The following GLB1L3 variants were observed in gnomAD, a reference collection of about 807,000 sequenced individuals.
GLB1L3 encodes galactosidase beta 1 like 3.
Under a neutral mutation model 89.5 loss-of-function variants are expected in GLB1L3, and 89 were observed. The observed-to-expected ratio is 0.99, with a 90% CI of 0.84 to 1.19. GLB1L3 has a LOEUF of 1.19. Ranked by LOEUF, GLB1L3 falls within the 50% of genes most tolerant of loss-of-function variation. GLB1L3 has a pLI of 0.00. For synonymous variants in GLB1L3, 314 were observed against 312.3 expected (o/e 1.01, Z -0.06); for missense variants, 812 against 813.3 (o/e 1.00, Z 0.02).
intron 7 of GLB1L3, among the ~76,000 whole-genome samples, chr11:134,291,032 C>A (rs547685498): frequency 6.6e-6 from 1 of 152,226 alleles, no homozygotes; most frequent in East Asian, 1.9e-4. Context: ...CGAGACAGTG[C>A]TTTCCCCCAA....
chr11:134,287,796 G>T (rs1385793089), intron 6 of GLB1L3, among the ~76,000 whole-genome samples: 1 of 152,198 alleles, frequency 6.6e-6, no homozygotes, highest in African/African-American at 2.4e-5. Context: ...AAGCCAGCAC[G>T]CCTGGGCAGA....
At position 134,283,774 on chromosome 11, in the gene GLB1L3, A is replaced by C. The variant is rs1432478446; in HGVS notation, c.565A>C (p.Thr189Pro). 2 of 1,612,950 alleles carry C rather than the reference A, an allele frequency of 1.2e-6. No homozygotes were observed. Among genetic ancestry groups the C allele is most frequent in the Non-Finnish European group, 1.7e-6 (2 of 1,179,518 alleles). ...LQDPRLLLRTTNKSFIEAVEK... is the reference protein window; with the variant it reads ...LQDPRLLLRTPNKSFIEAVEK... ...AGACCCCCGGTTACTGTTGAGGACA[A>C]CCAACAAGAGCTTCATTGAAGCAGT... The change falls in exon 6 of 20, where the codon ACC becomes CCC. Residue 189 changes from threonine to proline, a missense_variant. Transcript: ENST00000431683.
At chr11:134,303,837 G>T (rs935183931) in intron 9 of GLB1L3, among the ~76,000 whole-genome samples, 1 of 151,988 alleles carries the variant, frequency 6.6e-6, no homozygotes, top group African/African-American at 2.4e-5. Context: ...AGTGATGTCT[G>T]TTTATGGCAG....
downstream of GLB1L3, among the ~76,000 whole-genome samples, chr11:134,324,159 A>C (rs908831572): frequency 6.6e-6 from 1 of 152,214 alleles, no homozygotes; most frequent in Admixed American, 6.5e-5. Flanking sequence ...AAAGGAGAAG[A>C]ATTGTTAAAG....
At chr11:134,277,117 G>T in intron 1 of GLB1L3, 1 of 668,096 alleles carries the variant, frequency 1.5e-6, no homozygotes, top group Non-Finnish European at 2.6e-6. Context: ...AGGACTGAAC[G>T]TCTGTCCCCG....
At chr11:134,289,580 G>C (rs964281225) in intron 7 of GLB1L3, among the ~76,000 whole-genome samples, 14 of 152,174 alleles carry the variant, frequency 9.2e-5, no homozygotes, top group African/African-American at 3.4e-4. Flanking sequence ...GGCATTAAAG[G>C]GCTATTCCTT....
chr11:134,284,060 C>T (rs1940852828), intron 6 of GLB1L3, among the ~76,000 whole-genome samples: 1 of 152,164 alleles, frequency 6.6e-6, no homozygotes, highest in Non-Finnish European at 1.5e-5. Context: ...GCTAGAAAGA[C>T]TCATCACACA....
chr11:134,318,684 G>A lies in GLB1L3; in HGVS notation c.1833G>A (p.Trp611Ter). 5.0e-6 allele frequency: 8 copies of A among 1,613,184 alleles called. No homozygotes were observed. The highest frequency in any genetic ancestry group is 6.8e-6 in the Non-Finnish European group (8 of 1,179,450). ...FINGRNLGRY[W>*]NIGPQKTLYL... ...ATGGACGTAACCTTGGGCGATATTG[G>A]AATATTGGGCCTCAGAAAACACTGT... Residue 611 changes from tryptophan (W) to a stop codon, truncating the protein, a stop_gained, in exon 19 of 20, where the codon TGG becomes TGA. Transcript: ENST00000431683. LOFTEE classifies it high-confidence loss of function.
downstream of GLB1L3, among the ~76,000 whole-genome samples, chr11:134,322,277 T>A (rs1191887269): frequency 6.6e-6 from 1 of 152,208 alleles, no homozygotes; most frequent in Non-Finnish European, 1.5e-5. Context: ...TTTTGACTTG[T>A]TTTTGTCTGA....
Position 134,276,773 on chromosome 11 carries a change from C to G in GLB1L3, c.23+10C>G, listed in dbSNP as rs1004978893. The G allele has an allele frequency of 2.8e-6, 4 of 1,437,538 alleles. No homozygotes were observed. The highest frequency in any genetic ancestry group is 3.7e-6 in the Non-Finnish European group (4 of 1,095,594). 89.0% of individuals were successfully genotyped at this position (1,437,538 alleles called of 1,614,324 possible). A position where few individuals can be genotyped will look rare whatever the true frequency, so the allele number is the denominator to read the frequency against. ...CCCCGCCCCTCCTCAGGTGACGGAT[C>G]GCCGCTGCCGTCCCGGGCTGCCCAC... On this transcript the variant is annotated intron_variant, in intron 1 of 19. Transcript: ENST00000431683.
intron 5 of GLB1L3, among the ~76,000 whole-genome samples, 195 bp from the exon 6 acceptor site, chr11:134,283,542 T>C (rs1591535849): frequency 6.6e-6 from 1 of 152,244 alleles, no homozygotes; most frequent in East Asian, 1.9e-4. Flanking sequence ...GGCCGTTTCC[T>C]TTCAAATCCC....
intron 6 of GLB1L3, 91 bp downstream of exon 6, chr11:134,283,936 C>T: frequency 1.4e-6 from 1 of 735,744 alleles, no homozygotes; most frequent in Non-Finnish European, 2.4e-6. Flanking sequence ...CACATGCAGT[C>T]TCCATGAACA....
intron 10 of GLB1L3, among the ~76,000 whole-genome samples, chr11:134,308,229 CCACCACCATCACCAT>C (rs1942341682): frequency 7.9e-5 from 2 of 25,230 alleles, no homozygotes; most frequent in East Asian, 9.3e-4. Flanking sequence ...ACCATCACCA[CCACCACCATCACCAT>C]CACCACCATC....
At chr11:134,285,820 T>C (rs12278484) in intron 6 of GLB1L3, among the ~76,000 whole-genome samples, 29,167 of 151,818 alleles carry the variant, frequency 0.19, 2,967 homozygotes, top group South Asian at 0.32. Context: ...AGTAGGCTGA[T>C]ATCTTACTCT....
intron 7 of GLB1L3, 72 bp downstream of exon 7, chr11:134,288,962 G>A: frequency 9.4e-7 from 1 of 1,062,208 alleles, no homozygotes; most frequent in East Asian, 2.4e-5. Flanking sequence ...ATTCCTGGAT[G>A]CATGAGTGAT....
At chr11:134,280,696 T>G (rs1357754951) in intron 3 of GLB1L3, among the ~76,000 whole-genome samples, 1 of 152,182 alleles carries the variant, frequency 6.6e-6, no homozygotes, top group African/African-American at 2.4e-5. Context: ...ATGATTAGTA[T>G]GTCTTCTTGG....
chr11:134,321,232 A>G (rs747570603), downstream of GLB1L3, among the ~76,000 whole-genome samples: 1 of 152,206 alleles, frequency 6.6e-6, no homozygotes, highest in Non-Finnish European at 1.5e-5. Flanking sequence ...GATTTCTGTA[A>G]TTCTCAGATA....
At position 134,310,586 on chromosome 11, in the gene GLB1L3, T is replaced by C; in HGVS notation, c.1115T>C (p.Leu372Pro). 1 of 1,613,046 alleles carries C rather than the reference T, an allele frequency of 6.2e-7. No homozygotes were observed. Among genetic ancestry groups the C allele is most frequent in the Non-Finnish European group, 8.5e-7 (1 of 1,179,440 alleles). The change falls in exon 12 of 20, where the codon CTC becomes CCC. Residue 372 changes from leucine to proline, a missense_variant. Leu to Pro is a moderately conservative substitution (Grantham distance 98). Around this residue, in one of 3 missense-constraint regions of GLB1L3, gnomAD observed 618 missense variants for 604.0 expected, o/e 1.02. Transcript: ENST00000431683. The part of the protein sequence containing the change: ...IVTSYDYDAV[L>P]TEAGDYTEKY... ...TGTCTTGCAGACTATGATGCAGTGC[T>C]CACGGAGGCTGGAGATTACACAGAA...
intron 9 of GLB1L3, among the ~76,000 whole-genome samples, chr11:134,299,738 G>C (rs1022396158): frequency 1.3e-5 from 2 of 152,134 alleles, no homozygotes; most frequent in Non-Finnish European, 2.9e-5. Flanking sequence ...GGCTTCCCCT[G>C]ATGTTCTGAT....
Sources: allele counts gnomAD v4.1 joint callset (sites outside exome capture counted in the v4.1 genomes callset), GRCh38; gene constraint gnomAD v4.1.1; regional missense constraint gnomAD v4.1.1; transcripts MANE v1.5; gene names NCBI Gene and HGNC (gene_info 2026-07-23, HGNC 2026-07-21).